LIPA: variants seen among roughly 807,000 people sequenced by gnomAD.
LIPA encodes the protein lipase A, lysosomal acid type.
Under a neutral mutation model 40.6 loss-of-function variants are expected in LIPA, and 26 were observed. That is an observed-to-expected ratio of 0.64 (90% CI 0.47 to 0.89). The LOEUF (loss-of-function observed/expected upper bound fraction) is 0.89. Among genes scored for constraint, LIPA ranks in the 40% least tolerant of loss-of-function variants. The pLI, the probability that LIPA is intolerant of heterozygous loss-of-function variation, is 0.00. For missense variants in LIPA, 455 were observed against 479.6 expected, an observed-to-expected ratio of 0.95 and a Z score of 0.48; for synonymous variants, 188 against 168.4, an observed-to-expected ratio of 1.12 and a Z score of -0.90.
chr10:89,393,335 G>A, intron 2 of LIPA: 1 of 1,277,230 alleles, frequency 7.8e-7, no homozygotes, highest in Non-Finnish European at 1.0e-6. Flanking sequence ...GAAAATCTAG[G>A]CTCTTGGTAC....
At chr10:89,355,921 T>C (rs1843986359) in intron 2 of LIPA, among the ~76,000 whole-genome samples, 1 of 152,198 alleles carries the variant, frequency 6.6e-6, no homozygotes, top group South Asian at 2.1e-4. Context: ...ATTGCTTGCC[T>C]TTTTCCCAGA....
At chr10:89,272,640 T>C (rs1391849130) in intron 1 of LIPA, among the ~76,000 whole-genome samples, 1 of 152,212 alleles carries the variant, frequency 6.6e-6, no homozygotes, top group East Asian at 1.9e-4. Flanking sequence ...TTGAATGGTA[T>C]TTCTGCCTTT....
rs3063809 is a variant in LIPA at position 89,247,846 on chromosome 10, TTTTATTTATTTATTTATTTA to T, written c.-1-217_-1-198del. The T allele has an allele frequency of 4.3e-4, 71 of 164,336 alleles. 1 individual carries two copies. In the East Asian group the frequency reaches 0.01, roughly 24 times the overall value. The allele number at this position is 164,336 out of a possible 1,614,324, so 10.2% of individuals were successfully genotyped here. Reference sequence around the variant, plus strand: ...TTTAAATTTTATTTATTTATTTTTATTTTATTTATTTATTTATTTATTTATTTATTTATTTATGTTGAGAT... The same window carrying T: ...TTTAAATTTTATTTATTTATTTTTATTTTATTTATTTATTTATGTTGAGAT... On this transcript the variant is annotated intron_variant, in intron 1 of 9. Transcript: ENST00000336233.
chr10:89,342,895 T>C (rs1843885157), upstream of LIPA, among the ~76,000 whole-genome samples: 1 of 152,246 alleles, frequency 6.6e-6, no homozygotes, highest in South Asian at 2.1e-4. Context: ...ATTATGATGT[T>C]CTTTTGTTTT....
At chr10:89,399,313 T>G (rs144895648) in intron 2 of LIPA, among the ~76,000 whole-genome samples, 1 of 152,326 alleles carries the variant, frequency 6.6e-6, no homozygotes, top group East Asian at 1.9e-4. Context: ...TTTCCTTCAT[T>G]CTGTGATTTG....
intron 1 of LIPA, chr10:89,339,775 T>G (rs747887545): frequency 7.1e-5 from 114 of 1,614,044 alleles, no homozygotes; most frequent in Non-Finnish European, 9.2e-5. Context: ...TAATGGGAAG[T>G]CTGAAGACAC....
At chr10:89,314,460 G>A (rs777759897) in intron 1 of LIPA, 2 of 152,308 alleles carry the variant, frequency 1.3e-5, no homozygotes, top group Non-Finnish European at 2.9e-5. Context: ...ACGAGGTTTA[G>A]AGATCGAGAC....
intron 2 of LIPA, among the ~76,000 whole-genome samples, chr10:89,366,433 C>T (rs922281395): frequency 6.6e-6 from 1 of 152,120 alleles, no homozygotes; most frequent in Admixed American, 6.5e-5. Flanking sequence ...ATTGAATATC[C>T]TTTATTTCTT....
At chr10:89,337,650 T>C (rs1487531724) in intron 1 of LIPA, among the ~76,000 whole-genome samples, 2 of 152,228 alleles carry the variant, frequency 1.3e-5, no homozygotes, top group African/African-American at 4.8e-5. Context: ...CCACCCGCCT[T>C]GGCCTCCCAA....
chr10:89,381,406 A>C (rs770118475), intron 2 of LIPA, among the ~76,000 whole-genome samples: 15 of 152,098 alleles, frequency 9.9e-5, no homozygotes, highest in African/African-American at 1.9e-4. Context: ...CATATGTCCC[A>C]CACACACCCC....
Position 89,248,442 on chromosome 10 carries a change from ATATTTAT to A in LIPA, c.-1-800_-1-794del, listed in dbSNP as rs1329515509. 1.1e-3 allele frequency among the ~76,000 whole-genome samples: 151 copies of A among 136,400 alleles called. 3 individuals are homozygous for A. Among genetic ancestry groups the A allele is most frequent in the African/African-American group, 2.7e-3 (101 of 37,342 alleles). The allele number at this position is 136,400 out of a possible 152,430, so 89.5% of individuals were successfully genotyped here. On this transcript the variant is annotated intron_variant, in intron 1 of 9. Coordinates refer to ENST00000336233, the MANE Select transcript of LIPA (RefSeq NM_000235.4). ...AAGGAATTATTATTATTATTATTTTATATTTATTTATTTATTTATTTATTTATTTATT... is the reference window on the plus strand; with the variant it reads ...AAGGAATTATTATTATTATTATTTTATTATTTATTTATTTATTTATTTATT...
At chr10:89,377,569 C>T (rs1394033715) in intron 2 of LIPA, among the ~76,000 whole-genome samples, 3 of 152,206 alleles carry the variant, frequency 2.0e-5, no homozygotes, top group Admixed American at 1.3e-4. Context: ...CACAGCCCCA[C>T]AGAAGAAGAC....
chr10:89,342,713 A>C (rs1475986591), upstream of LIPA: 1 of 152,200 alleles, frequency 6.6e-6, no homozygotes, highest in African/African-American at 2.4e-5. Context: ...CTGACAATCA[A>C]AATGGCCCCT....
At chr10:89,306,322 T>C (rs1157974150) in intron 1 of LIPA, 5 of 1,614,130 alleles carry the variant, frequency 3.1e-6, no homozygotes, top group Admixed American at 1.7e-5. Flanking sequence ...AGGTGAAACA[T>C]GTCTGTGAGA....
upstream of LIPA, among the ~76,000 whole-genome samples, chr10:89,344,987 T>TG (rs1554877780): frequency 5.3e-5 from 8 of 151,666 alleles, no homozygotes; most frequent in South Asian, 6.3e-4. Context: ...GCCAACATGG[T>TG]AGAACCCGGT....
At chr10:89,242,554 T>C (rs1842976043) in intron 3 of LIPA, among the ~76,000 whole-genome samples, 2 of 151,892 alleles carry the variant, frequency 1.3e-5, no homozygotes, top group African/African-American at 4.8e-5. Context: ...CCTGTGTTCA[T>C]AAAAAAAACC....
intron 1 of LIPA, among the ~76,000 whole-genome samples, chr10:89,257,324 TA>T (rs1022709962): frequency 6.6e-6 from 1 of 152,184 alleles, no homozygotes; most frequent in African/African-American, 2.4e-5. Flanking sequence ...TTCACAACTA[TA>T]AAAAGAAAGT....
intron 1 of LIPA, among the ~76,000 whole-genome samples, chr10:89,334,166 C>T (rs1483056501): frequency 6.6e-6 from 1 of 152,216 alleles, no homozygotes; most frequent in Non-Finnish European, 1.5e-5. Flanking sequence ...ATAGCTTTGA[C>T]TGGGAAGGAG....
intron 1 of LIPA, among the ~76,000 whole-genome samples, chr10:89,249,438 T>C (rs906154724): frequency 6.6e-6 from 1 of 152,232 alleles, no homozygotes; most frequent in Non-Finnish European, 1.5e-5. Context: ...TGTATGCCCA[T>C]ACAAAGACTT....
Sources: gnomAD v4.1 joint callset for allele counts (sites outside exome capture counted in the v4.1 genomes callset) on GRCh38, gnomAD v4.1.1 for gene constraint, MANE v1.5 for transcripts, NCBI Gene and HGNC (gene_info 2026-07-23, HGNC 2026-07-21) for gene names.